GYS1: variants seen among roughly 807,000 people sequenced by gnomAD.
The protein encoded by GYS1 is glycogen [starch] synthase, muscle.
Under a neutral mutation model 89.1 loss-of-function variants are expected in GYS1, and 60 were observed. The ratio of observed to expected loss-of-function variants is 0.67; its 90% CI spans 0.55 to 0.84. The LOEUF (loss-of-function observed/expected upper bound fraction) is 0.84, where lower values mean the gene tolerates loss of function less well. GYS1 is among the 40% of genes least tolerant of loss of function. The probability of loss-of-function intolerance (pLI) is 0.00; values close to 1 mark genes in which losing one functional copy is unlikely to be tolerated. For missense variants in GYS1, 888 were observed against 1,003.1 expected (o/e 0.89, Z 1.55); for synonymous variants, 366 against 401.7 (o/e 0.91, Z 1.06).
Position 48,981,582 on chromosome 19 carries a change from T to C in GYS1, c.1117A>G (p.Asn373Asp). 1.2e-6 allele frequency: 2 copies of C among 1,613,820 alleles called. No homozygotes were observed. The highest frequency in any genetic ancestry group is 1.7e-6 in the Non-Finnish European group (2 of 1,179,730). The part of the protein sequence containing the change: ...VAFFIMPART[N>D]NFNVETLKGQ... The stretch of plus-strand genomic sequence containing the variant: ...TTGAGGGTTTCCACGTTGAAATTGT[T>C]GGTCCGCGCTGGCATGATGAAGAAG... The change falls in exon 8 of 16, where the codon AAC becomes GAC. Residue 373 changes from asparagine (N) to aspartate (D), a missense_variant. Asn to Asp is a conservative substitution (Grantham distance 23). Coordinates refer to ENST00000323798, the MANE Select transcript of GYS1 (RefSeq NM_002103.5).
intron 7 of GYS1, 110 bp downstream of exon 7, chr19:48,982,144 TG>T (rs1161312291): frequency 9.0e-7 from 1 of 1,113,474 alleles, no homozygotes; most frequent in African/African-American, 1.5e-5. Context: ...CCTCCCGCCT[TG>T]GCCTCCAAAA....
At chr19:48,990,920 G>A (rs2038915886) in intron 2 of GYS1, among the ~76,000 whole-genome samples, 2 of 152,176 alleles carry the variant, frequency 1.3e-5, no homozygotes, top group African/African-American at 4.8e-5. Flanking sequence ...TCAGCCTCCC[G>A]AGTAGCTGGG....
chr19:48,968,492 C>T lies in GYS1; in HGVS notation c.*796G>A, dbSNP rs1202762347. 7 of 454,380 alleles carry T rather than the reference C, an allele frequency of 1.5e-5. No individual in the cohort carries two copies. Among genetic ancestry groups the T allele is most frequent in the Admixed American group, 7.1e-5 (3 of 42,540 alleles). The allele number at this position is 454,380 out of a possible 1,614,324, so 28.1% of individuals were successfully genotyped here. ...GGTGGGGGAAGACAGCCAGCTCTGT[C>T]CTCTGCAGGCGGATTCCCTGGAGGG... On this transcript the variant is annotated 3_prime_UTR_variant, in exon 16 of 16. Coordinates refer to ENST00000323798, the MANE Select transcript of GYS1 (RefSeq NM_002103.5).
chr19:48,972,333 C>CA (rs779421115), intron 12 of GYS1, among the ~76,000 whole-genome samples: 2,342 of 130,456 alleles, frequency 0.018, 22 homozygotes, highest in Non-Finnish European at 0.025. Context: ...GACTCTGTCT[C>CA]AAAAAAAAAA....
intron 14 of GYS1, chr19:48,970,234 AC>A (rs1010763970): frequency 6.6e-6 from 3 of 454,768 alleles, no homozygotes; most frequent in Non-Finnish European, 1.2e-5. Flanking sequence ...AAGCGACCCT[AC>A]CACCTCAGCC....
chr19:48,985,729 G>A, intron 4 of GYS1, 121 bp downstream of exon 4: 6 of 1,495,112 alleles, frequency 4.0e-6, no homozygotes, highest in Non-Finnish European at 5.6e-6. Flanking sequence ...GGTAGGAGGG[G>A]TCTGGGGACT....
At chr19:48,970,243 G>A (rs1318409481) in intron 14 of GYS1, 3 of 466,340 alleles carry the variant, frequency 6.4e-6, no homozygotes, top group South Asian at 2.2e-5. Flanking sequence ...TACCACCTCA[G>A]CCTCCCCAGT....
intron 3 of GYS1, 110 bp from the exon 4 acceptor site, chr19:48,986,145 C>T (rs2038840689): frequency 3.1e-6 from 3 of 954,016 alleles, no homozygotes; most frequent in Admixed American, 2.0e-5. Flanking sequence ...ACCACTACTG[C>T]ACAGAGTGGG....
In GYS1 at chr19:48,985,842, C is replaced by T; in HGVS notation, c.678+8G>A. 1 of 1,612,884 alleles carries T rather than the reference C, an allele frequency of 6.2e-7. No homozygotes were observed. Among genetic ancestry groups the T allele is most frequent in the Non-Finnish European group, 8.5e-7 (1 of 1,179,960 alleles). ...CGCAGTCCCCCATCTGCCACGGTCC[C>T]AGCTCACGTTCTCCAGGTTGTTGTA... On this transcript the variant is annotated splice_region_variant and intron_variant, in intron 4 of 15. Coordinates refer to ENST00000323798, the MANE Select transcript of GYS1 (RefSeq NM_002103.5).
chr19:48,981,280 G>T (rs918199240), intron 8 of GYS1, among the ~76,000 whole-genome samples: 5 of 151,828 alleles, frequency 3.3e-5, no homozygotes, highest in Non-Finnish European at 5.9e-5. Flanking sequence ...AGGCATGGTG[G>T]TGTGCACCTG....
At position 48,968,683 on chromosome 19, in the gene GYS1, A is replaced by T. The variant is rs2122446851; in HGVS notation, c.*605T>A. The T allele has an allele frequency of 2.2e-6, 1 of 454,078 alleles. No individual in the cohort carries two copies. The highest frequency in any genetic ancestry group is 7.0e-5 in the East Asian group (1 of 14,384). 28.1% of individuals were successfully genotyped at this position (454,078 alleles called of 1,614,324 possible). ...GTAGGGGATGACAGGAGCCGGATGGAGGGATCCTCCAGGCAGAGCCTGGCT... is the reference window on the plus strand; with the variant it reads ...GTAGGGGATGACAGGAGCCGGATGGTGGGATCCTCCAGGCAGAGCCTGGCT... On this transcript the variant is annotated 3_prime_UTR_variant, in exon 16 of 16. Transcript: ENST00000323798.
At chr19:48,975,715 C>T (rs1330424958) in intron 10 of GYS1, among the ~76,000 whole-genome samples, 3 of 151,532 alleles carry the variant, frequency 2.0e-5, no homozygotes, top group African/African-American at 7.3e-5. Context: ...ATGACGAGGT[C>T]AGGAGATCGA....
Position 48,987,197 on chromosome 19 carries a change from A to C in GYS1, c.489T>G (p.Gly163=), listed in dbSNP as rs767278636. Residue 163 remains glycine (G), a synonymous_variant, in exon 3 of 16, where the codon GGT becomes GGG. Transcript: ENST00000323798. ...GAATGTGTCAGACGGGGCCTACCTC[A>C]CCCAGGAACCAGGTGGTCAGAAAGC... ...LFGFLTTWFL[G]EFLAQSEEKP... is the part of the protein sequence containing the mutation. 9.3e-6 allele frequency: 15 copies of C among 1,609,908 alleles called. No individual in the cohort carries two copies. Among genetic ancestry groups the C allele is most frequent in the Middle Eastern group, 3.3e-4 (2 of 6,056 alleles).
Position 48,985,536 on chromosome 19 carries a change from G to C in GYS1, c.748C>G (p.His250Asp), listed in dbSNP as rs746659918. 5 of 1,613,942 alleles carry C rather than the reference G, an allele frequency of 3.1e-6. No homozygotes were observed. The highest frequency in any genetic ancestry group is 4.2e-6 in the Non-Finnish European group (5 of 1,179,928). The stretch of plus-strand genomic sequence containing the variant: ...ACAGTAGTGAAGACGTGAGCGCAGT[G>C]GGCTGCCGCCCTTTCCATGCAGTAT... ...HRYCMERAAA[H>D]CAHVFTTVSQ... Residue 250 changes from histidine to aspartate, a missense_variant, in exon 5 of 16, where the codon CAC becomes GAC. Transcript: ENST00000323798.
rs1600156301 is a variant in GYS1, at chr19:48,992,123, G to A, written c.119-640C>T. On this transcript the variant is annotated intron_variant, in intron 1 of 15. Coordinates refer to ENST00000323798, the MANE Select transcript of GYS1 (RefSeq NM_002103.5). ...GCCCCCAGCCTCCTCCCATCCTGGA[G>A]CCCAGGCCCTGGCGATACCCGGCTG... Among the ~76,000 whole-genome samples, 4 of 152,064 alleles carry A rather than the reference G, an allele frequency of 2.6e-5. No individual in the cohort carries two copies. The East Asian group carries it at 7.7e-4, about 29-fold the overall frequency.
At position 48,982,283 on chromosome 19, in the gene GYS1, G is replaced by A; in HGVS notation, c.1034C>T (p.Ala345Val). 1 of 1,613,858 alleles carries A rather than the reference G, an allele frequency of 6.2e-7. No homozygotes were observed. Residue 345 changes from alanine (A) to valine (V), a missense_variant, in exon 7 of 16, where the codon GCA becomes GTA. By Grantham distance (64) the Ala-to-Val change is moderately conservative (BLOSUM62 0). Coordinates refer to ENST00000323798, the MANE Select transcript of GYS1 (RefSeq NM_002103.5). ...GAGCAGATAGTTGAGCCGAGCCAAT[G>A]CCTCCAGGAAGACGTCAGCACCCTT... ...SNKGADVFLE[A>V]LARLNYLLRV...
chr19:48,969,738 T>C, intron 15 of GYS1, 37 bp downstream of exon 15: 1 of 1,603,548 alleles, frequency 6.2e-7, no homozygotes, highest in Non-Finnish European at 8.5e-7. Context: ...CCCAGCCCTT[T>C]AGCTCCTGGC....
chr19:48,982,654 C>G (rs2038784990), intron 6 of GYS1, 66 bp downstream of exon 6: 1 of 1,202,538 alleles, frequency 8.3e-7, no homozygotes. Flanking sequence ...GCCCCCTCCC[C>G]CAGACCTAGA....
At chr19:48,986,355 T>C (rs980085615) in intron 3 of GYS1, among the ~76,000 whole-genome samples, 3 of 152,002 alleles carry the variant, frequency 2.0e-5, no homozygotes, top group African/African-American at 7.2e-5. Flanking sequence ...GTCCTGGACA[T>C]AGTTTCCAAA....
Sources: allele counts gnomAD v4.1 joint callset (sites outside exome capture counted in the v4.1 genomes callset), GRCh38; gene constraint gnomAD v4.1.1; transcripts MANE v1.5; gene names NCBI Gene and HGNC (gene_info 2026-07-23, HGNC 2026-07-21).